The following TRPC5 variants were observed in gnomAD, a reference collection of about 807,000 sequenced individuals.
The protein encoded by TRPC5 is short transient receptor potential channel 5.
In TRPC5, 9 loss-of-function variants were observed where a neutral mutation model predicts 56.5. The ratio of observed to expected loss-of-function variants is 0.16; its 90% confidence interval spans 0.10 to 0.28. The LOEUF (loss-of-function observed/expected upper bound fraction) is 0.28, where lower values mean the gene tolerates loss of function less well. Ranked by LOEUF, TRPC5 falls within the 10% of genes least tolerant of loss-of-function variation. The pLI, the probability that TRPC5 is intolerant of heterozygous loss-of-function variation, is 1.00. For synonymous variants in TRPC5, 282 were observed against 278.5 expected, an observed-to-expected ratio of 1.01 and a Z score of -0.13; for missense variants, 469 against 748.9, an observed-to-expected ratio of 0.63 and a Z score of 4.36.
chrX:111,873,661 G>A (rs939764290), intron 3 of TRPC5, among the ~76,000 whole-genome samples: 1 of 110,664 alleles, frequency 9.0e-6, no homozygotes, highest in African/African-American at 3.3e-5. Context: ...GTGAGTGCCT[G>A]TAATCCCAGC....
Position 111,790,226 on chromosome X carries a change from G to A in TRPC5, c.1897-8088C>T, listed in dbSNP as rs193095606. Among the ~76,000 whole-genome samples, 390 of 111,688 alleles carry A rather than the reference G, an allele frequency of 3.5e-3. 3 individuals are homozygous for A. The highest frequency in any genetic ancestry group is 0.011 in the African/African-American group (349 of 30,688). On this transcript the variant is annotated intron_variant, in intron 7 of 10. Coordinates refer to ENST00000262839, the MANE Select transcript of TRPC5 (RefSeq NM_012471.3). ...CATATACACCATGGAATACTATGCA[G>A]CCATAAAAAAGGATGAGTTCATGTC...
At chrX:112,051,430 C>G (rs961847912) in intron 1 of TRPC5, among the ~76,000 whole-genome samples, 3 of 111,409 alleles carry the variant, frequency 2.7e-5, no homozygotes, top group African/African-American at 9.8e-5. Context: ...TCAAGATCCA[C>G]TGCTTTCCCC....
chrX:111,895,675 G>T (rs948337969), intron 3 of TRPC5, among the ~76,000 whole-genome samples: 1 of 110,048 alleles, frequency 9.1e-6, no homozygotes, highest in Non-Finnish European at 1.9e-5. Context: ...TATTATTTTG[G>T]TATCTGGTAT....
chrX:111,932,596 T>C (rs978631527), intron 2 of TRPC5, among the ~76,000 whole-genome samples: 2 of 111,064 alleles, frequency 1.8e-5, no homozygotes, highest in Non-Finnish European at 3.8e-5. Flanking sequence ...TTCACCATAC[T>C]CTAGTCCTCT....
intron 1 of TRPC5, among the ~76,000 whole-genome samples, chrX:112,005,781 T>C (rs890126736): frequency 9.8e-5 from 11 of 111,831 alleles, no homozygotes; most frequent in African/African-American, 3.2e-4. Context: ...TGTGACTACT[T>C]TGTGAATTAC....
At chrX:111,939,799 T>C (rs1370843848) in intron 2 of TRPC5, among the ~76,000 whole-genome samples, 1 of 111,910 alleles carries the variant, frequency 8.9e-6, no homozygotes, top group East Asian at 2.8e-4. Context: ...TTTTTCTTAG[T>C]CTGGCTAAAA....
chrX:111,882,237 C>A lies in TRPC5; in HGVS notation c.901-28131G>T, dbSNP rs773057026. 8.4e-5 allele frequency among the ~76,000 whole-genome samples: 9 copies of A among 107,193 alleles called. No individual in the cohort carries two copies. The South Asian group carries it at 2.0e-3, about 24-fold the overall frequency. The allele number at this position is 107,193 out of a possible 115,157, so 93.1% of individuals were successfully genotyped here. A position where few individuals can be genotyped will look rare whatever the true frequency, so the allele number is the denominator to read the frequency against. ...GGTGGAGTGTTATATAAAAGAGTAT[C>A]CCCCTGGTTTCTTGGGAGTGTCAAT... On this transcript the variant is annotated intron_variant, in intron 3 of 10. Coordinates refer to ENST00000262839, the MANE Select transcript of TRPC5 (RefSeq NM_012471.3).
chrX:111,870,531 AAC>A (rs1923717412), intron 3 of TRPC5, among the ~76,000 whole-genome samples: 1 of 111,999 alleles, frequency 8.9e-6, no homozygotes, highest in East Asian at 2.8e-4. Flanking sequence ...ACTATAATCA[AAC>A]ACAATAAATT....
At chrX:111,973,235 T>C (rs1927830356) in intron 1 of TRPC5, among the ~76,000 whole-genome samples, 1 of 112,027 alleles carries the variant, frequency 8.9e-6, no homozygotes, top group Non-Finnish European at 1.9e-5. Flanking sequence ...TTCCACTGCC[T>C]CTGCCAAGCA....
At chrX:111,783,175 G>T (rs1945934754) in intron 7 of TRPC5, among the ~76,000 whole-genome samples, 1 of 111,999 alleles carries the variant, frequency 8.9e-6, no homozygotes, top group Non-Finnish European at 1.9e-5. Flanking sequence ...TCTATTATAT[G>T]GATGCACGAT....
intron 1 of TRPC5, 75 bp from the exon 2 acceptor site, chrX:111,952,516 G>A: frequency 9.9e-7 from 1 of 1,005,301 alleles, no homozygotes; most frequent in Non-Finnish European, 1.3e-6. Flanking sequence ...TATGGAGGCA[G>A]CCCTGCTAAG....
chrX:112,034,166 A>G (rs1271382436), intron 1 of TRPC5, among the ~76,000 whole-genome samples: 1 of 111,779 alleles, frequency 8.9e-6, no homozygotes, highest in Non-Finnish European at 1.9e-5. Flanking sequence ...TTTCTGCCAA[A>G]AAATGCCATT....
At chrX:111,964,387 T>G (rs1029527426) in intron 1 of TRPC5, among the ~76,000 whole-genome samples, 9 of 112,294 alleles carry the variant, frequency 8.0e-5, no homozygotes, top group Admixed American at 6.6e-4. Context: ...GGAACCAAGT[T>G]GGAAAACACT....
intron 8 of TRPC5, among the ~76,000 whole-genome samples, chrX:111,781,513 CA>C (rs1313446882): frequency 8.9e-6 from 1 of 111,812 alleles, no homozygotes; most frequent in Non-Finnish European, 1.9e-5. Context: ...ATCACGAGGT[CA>C]GGAGTTCAAG....
intron 1 of TRPC5, among the ~76,000 whole-genome samples, chrX:111,978,784 C>T (rs375259166): frequency 9.0e-6 from 1 of 110,742 alleles, no homozygotes; most frequent in East Asian, 2.8e-4. Flanking sequence ...GTAAAGGTTA[C>T]CATTAATTAG....
intron 1 of TRPC5, among the ~76,000 whole-genome samples, chrX:111,968,817 G>T (rs1329901586): frequency 4.8e-4 from 34 of 70,419 alleles, no homozygotes; most frequent in Admixed American, 6.7e-4. Context: ...ACACTCTGGG[G>T]ACTGTTGTGG....
chrX:111,800,948 A>G (rs372457264), intron 7 of TRPC5, among the ~76,000 whole-genome samples: 4 of 111,041 alleles, frequency 3.6e-5, no homozygotes, highest in Admixed American at 1.9e-4. Flanking sequence ...AGGGTCAGCT[A>G]TATATTCACA....
chrX:111,816,344 T>G (rs1322026959), intron 7 of TRPC5, among the ~76,000 whole-genome samples: 2 of 111,862 alleles, frequency 1.8e-5, no homozygotes, highest in Non-Finnish European at 3.8e-5. Context: ...ATAGAACACA[T>G]GTGTACTCAT....
intron 7 of TRPC5, among the ~76,000 whole-genome samples, chrX:111,792,792 G>T (rs920290520): frequency 1.8e-5 from 2 of 112,163 alleles, no homozygotes; most frequent in African/African-American, 6.5e-5. Context: ...GGACCAGCAG[G>T]CAAGGAAAGG....
Sources: gnomAD v4.1 joint callset for allele counts (sites outside exome capture counted in the v4.1 genomes callset) on GRCh38, gnomAD v4.1.1 for gene constraint, MANE v1.5 for transcripts, NCBI Gene and HGNC (gene_info 2026-07-23, HGNC 2026-07-21) for gene names.